Variants in NUDT4 observed in about 807,000 individuals in gnomAD.
The protein encoded by NUDT4 is diphosphoinositol polyphosphate phosphohydrolase 2.
A neutral mutation model predicts 23.1 loss-of-function variants in NUDT4; 5 were observed. That is an observed-to-expected ratio of 0.22 (90% CI 0.11 to 0.46). The LOEUF is 0.46. Ranked by LOEUF, NUDT4 falls within the 20% of genes least tolerant of loss-of-function variation. NUDT4 has a pLI of 0.99. For missense variants in NUDT4, 96 were observed against 211.6 expected (o/e 0.45, Z 3.39); for synonymous variants, 50 against 79.0 (o/e 0.63, Z 1.95).
rs1274629970 is a variant in NUDT4 at position 93,403,683 on chromosome 12, T to C, written c.*4304T>C. 3 of 152,192 alleles carry C rather than the reference T, an allele frequency of 2.0e-5. No individual in the cohort carries two copies. Among genetic ancestry groups the C allele is most frequent in the Non-Finnish European group, 4.4e-5 (3 of 68,036 alleles). The allele number at this position is 152,192 out of a possible 1,614,324, so 9.4% of individuals were successfully genotyped here. A position where few individuals can be genotyped will look rare whatever the true frequency, so the allele number is the denominator to read the frequency against. On this transcript the variant is annotated 3_prime_UTR_variant, in exon 5 of 5. Transcript: ENST00000415493. ...TTTACAGCTTTTTTATCTATAGACT[T>C]ATACCATCTTCAAAAGCAATACAAT...
At chr12:93,394,796 G>A (rs996878149) in intron 2 of NUDT4, 77 bp downstream of exon 2, 14 of 848,130 alleles carry the variant, frequency 1.7e-5, no homozygotes, top group Middle Eastern at 2.2e-4. Flanking sequence ...CTAAGACAGC[G>A]AGACGGGTCC....
At chr12:93,395,055 G>A (rs1876833501) in intron 2 of NUDT4, among the ~76,000 whole-genome samples, 1 of 152,006 alleles carries the variant, frequency 6.6e-6, no homozygotes, top group Admixed American at 6.6e-5. Flanking sequence ...CACCATGTTG[G>A]CCAGACTGGT....
At chr12:93,392,042 C>G (rs1470121626) in intron 1 of NUDT4, among the ~76,000 whole-genome samples, 1 of 151,894 alleles carries the variant, frequency 6.6e-6, no homozygotes, top group East Asian at 1.9e-4. Context: ...TGCTACCACA[C>G]CCAGCTAATT....
At chr12:93,378,466 C>T in intron 1 of NUDT4, 45 bp downstream of exon 1, 1 of 1,502,434 alleles carries the variant, frequency 6.7e-7, no homozygotes, top group African/African-American at 1.4e-5. Flanking sequence ...GCGCCGGGGT[C>T]TAGGGCCCGG....
intron 1 of NUDT4, among the ~76,000 whole-genome samples, chr12:93,379,264 C>T (rs1875454535): frequency 6.6e-6 from 1 of 152,114 alleles, no homozygotes; most frequent in East Asian, 1.9e-4. Flanking sequence ...CCCTGGAGAG[C>T]GATTTTTACT....
intron 1 of NUDT4, among the ~76,000 whole-genome samples, chr12:93,382,635 G>A (rs1435096140): frequency 6.8e-6 from 1 of 148,058 alleles, no homozygotes; most frequent in African/African-American, 2.5e-5. Context: ...TTCAAATGGA[G>A]ACCACTTTCA....
intron 1 of NUDT4, among the ~76,000 whole-genome samples, chr12:93,388,634 T>C (rs1053324343): frequency 1.3e-5 from 2 of 152,250 alleles, no homozygotes; most frequent in Non-Finnish European, 2.9e-5. Context: ...TGCATGATGC[T>C]TCTTTCCTGC....
chr12:93,396,021 C>T (rs1362291485), intron 3 of NUDT4, among the ~76,000 whole-genome samples: 1 of 152,158 alleles, frequency 6.6e-6, no homozygotes, highest in Non-Finnish European at 1.5e-5. Context: ...GCCCGGCTGC[C>T]ATCACTTTTA....
chr12:93,400,971 G>GA lies in NUDT4; in HGVS notation c.*1599dup, dbSNP rs1213795692. On this transcript the variant is annotated 3_prime_UTR_variant, in exon 5 of 5. Coordinates refer to ENST00000415493, the MANE Select transcript of NUDT4 (RefSeq NM_019094.6). ...TATTGTAACTGGGGAGTATAGAGTA[G>GA]AAAAAAAGTATAGTTAAAACATTTG... 1 of 152,092 alleles carries GA rather than the reference G, an allele frequency of 6.6e-6. No individual in the cohort carries two copies. The highest frequency in any genetic ancestry group is 1.9e-4 in the East Asian group (1 of 5,196). 9.4% of individuals were successfully genotyped at this position (152,092 alleles called of 1,614,324 possible). A position where few individuals can be genotyped will look rare whatever the true frequency, so the allele number is the denominator to read the frequency against.
chr12:93,392,814 G>A (rs1876650274), intron 1 of NUDT4, among the ~76,000 whole-genome samples: 1 of 130,102 alleles, frequency 7.7e-6, no homozygotes, highest in Non-Finnish European at 1.6e-5. Context: ...GATTAGCTGG[G>A]ATTACAGGCA....
At chr12:93,381,655 G>A (rs976022116) in intron 1 of NUDT4, among the ~76,000 whole-genome samples, 22 of 152,162 alleles carry the variant, frequency 1.4e-4, no homozygotes, top group African/African-American at 3.4e-4. Flanking sequence ...GGGACCAGGC[G>A]TCCCAAATAG....
In NUDT4 at chr12:93,398,869, TG is replaced by T; in HGVS notation, c.340+15del. ...CTGTTAATATTGGTAAGTTCCCTTTTGTTATCTGAATACTCTGTTCTAACAG... is the reference window on the plus strand; with the variant it reads ...CTGTTAATATTGGTAAGTTCCCTTTTTTATCTGAATACTCTGTTCTAACAG... On this transcript the variant is annotated intron_variant, in intron 4 of 4. Coordinates refer to ENST00000415493, the MANE Select transcript of NUDT4 (RefSeq NM_019094.6). 1 of 1,442,092 alleles carries T rather than the reference TG, an allele frequency of 6.9e-7. No individual in the cohort carries two copies. The highest frequency in any genetic ancestry group is 9.7e-7 in the Non-Finnish European group (1 of 1,026,396). The allele number at this position is 1,442,092 out of a possible 1,614,324, so 89.3% of individuals were successfully genotyped here. A position where few individuals can be genotyped will look rare whatever the true frequency, so the allele number is the denominator to read the frequency against.
chr12:93,378,232 G>A lies in NUDT4; in HGVS notation c.-91G>A. ...TCCCGGGCGCTCCTGCGCCCGACTC[G>A]CCCTCGCCCCCACTCCCCGGCGGGG... On this transcript the variant is annotated 5_prime_UTR_variant, in exon 1 of 5. Coordinates refer to ENST00000415493, the MANE Select transcript of NUDT4 (RefSeq NM_019094.6). 1 of 493,966 alleles carries A rather than the reference G, an allele frequency of 2.0e-6. No individual in the cohort carries two copies. The highest frequency in any genetic ancestry group is 3.4e-6 in the Non-Finnish European group (1 of 295,090). 30.6% of individuals were successfully genotyped at this position (493,966 alleles called of 1,614,324 possible).
At chr12:93,396,102 T>TA (rs1467213324) in intron 3 of NUDT4, among the ~76,000 whole-genome samples, 1 of 152,228 alleles carries the variant, frequency 6.6e-6, no homozygotes, top group Admixed American at 6.5e-5. Context: ...ATGTTTATCT[T>TA]AATCCACTGT....
At chr12:93,395,799 CA>C (rs1876890418) in intron 3 of NUDT4, among the ~76,000 whole-genome samples, 1 of 152,190 alleles carries the variant, frequency 6.6e-6, no homozygotes, top group South Asian at 2.1e-4. Flanking sequence ...TGGCTTACTA[CA>C]ACCTCTGCCT....
chr12:93,390,923 A>G (rs958120275), intron 1 of NUDT4, among the ~76,000 whole-genome samples: 11 of 152,076 alleles, frequency 7.2e-5, no homozygotes, highest in Non-Finnish European at 1.3e-4. Flanking sequence ...AGGAGGTTCT[A>G]TGCCTAAATA....
At chr12:93,389,720 G>A (rs1330453133) in intron 1 of NUDT4, among the ~76,000 whole-genome samples, 1 of 151,754 alleles carries the variant, frequency 6.6e-6, no homozygotes, top group East Asian at 1.9e-4. Flanking sequence ...GGCCAAGATG[G>A]TGAAACCCCA....
At position 93,378,299 on chromosome 12, in the gene NUDT4, C is replaced by T; in HGVS notation, c.-24C>T. The T allele has an allele frequency of 8.7e-7, 1 of 1,147,976 alleles. No homozygotes were observed. The allele number at this position is 1,147,976 out of a possible 1,614,324, so 71.1% of individuals were successfully genotyped here. A position where few individuals can be genotyped will look rare whatever the true frequency, so the allele number is the denominator to read the frequency against. ...CCCACGGCGGCGGCCGGAGCAGCAG[C>T]AGCAGCAGCAGGAGCCCGCCTCTAT... On this transcript the variant is annotated 5_prime_UTR_variant, in exon 1 of 5. Transcript: ENST00000415493.
intron 3 of NUDT4, among the ~76,000 whole-genome samples, chr12:93,396,927 T>TA (rs1876978171): frequency 6.6e-6 from 1 of 152,194 alleles, no homozygotes; most frequent in South Asian, 2.1e-4. Context: ...ATTCAGCAGT[T>TA]GCTTCACCCA....
Sources: allele counts gnomAD v4.1 joint callset (sites outside exome capture counted in the v4.1 genomes callset), GRCh38; gene constraint gnomAD v4.1.1; transcripts MANE v1.5; gene names NCBI Gene and HGNC (gene_info 2026-07-23, HGNC 2026-07-21).